The following NOTCH2 variants were observed in gnomAD, a reference collection of about 807,000 sequenced individuals.
NOTCH2 encodes the protein notch receptor 2, also known as neurogenic locus notch homolog protein 2.
A neutral mutation model predicts 235.8 loss-of-function variants in NOTCH2; 29 were observed. The observed-to-expected ratio is 0.12, with a 90% CI of 0.09 to 0.17. The LOEUF (loss-of-function observed/expected upper bound fraction) is 0.17. NOTCH2 is among the 10% of genes least tolerant of loss of function. The pLI, the probability that NOTCH2 is intolerant of heterozygous loss-of-function variation, is 1.00. For synonymous variants in NOTCH2, 1,086 were observed against 1,141.5 expected, an observed-to-expected ratio of 0.95 and a Z score of 0.98; for missense variants, 2,285 against 3,150.2, an observed-to-expected ratio of 0.73 and a Z score of 6.57.
chr1:119,975,184 T>C (rs1474676590), intron 5 of NOTCH2, among the ~76,000 whole-genome samples: 2 of 152,110 alleles, frequency 1.3e-5, no homozygotes, highest in Non-Finnish European at 2.9e-5. Flanking sequence ...TTGAGGGATG[T>C]AGGGAAAGAG....
rs1261237803 is a variant in NOTCH2, at chr1:120,042,011, G to A, written c.74-12024C>T. Reference sequence around the variant, plus strand: ...GGAAAGAGAGAAAGAGCAAGCGAGCGAGCGAACGAGCAGATGCCCTGGCCT... The same window carrying A: ...GGAAAGAGAGAAAGAGCAAGCGAGCAAGCGAACGAGCAGATGCCCTGGCCT... On this transcript the variant is annotated intron_variant, in intron 1 of 33. Transcript: ENST00000256646. Among the ~76,000 whole-genome samples, 23 of 145,540 alleles carry A rather than the reference G, an allele frequency of 1.6e-4. 1 individual carries two copies. The highest frequency in any genetic ancestry group is 5.8e-4 in the East Asian group (3 of 5,174).
intron 9 of NOTCH2, among the ~76,000 whole-genome samples, 191 bp from the exon 10 acceptor site, chr1:119,965,757 C>G (rs1553199588): frequency 6.6e-6 from 1 of 152,204 alleles, no homozygotes; most frequent in Admixed American, 6.5e-5. Flanking sequence ...TGGTGTGTCT[C>G]TACCATTGCT....
At chr1:120,001,487 C>T (rs1394133862) in intron 3 of NOTCH2, among the ~76,000 whole-genome samples, 12 of 152,192 alleles carry the variant, frequency 7.9e-5, no homozygotes, top group Admixed American at 1.3e-4. Flanking sequence ...GTGCAGAAAA[C>T]AAGATGGGCC....
intron 17 of NOTCH2, among the ~76,000 whole-genome samples, chr1:119,947,254 A>G (rs74338522): frequency 0.02 from 3,043 of 152,314 alleles, 54 homozygotes; most frequent in Non-Finnish European, 0.025. Context: ...TTGGAGGGAA[A>G]TCATTGGGAA....
At chr1:119,945,915 C>A (rs1171046092) in intron 17 of NOTCH2, among the ~76,000 whole-genome samples, 1 of 151,926 alleles carries the variant, frequency 6.6e-6, no homozygotes, top group African/African-American at 2.4e-5. Context: ...ATTTATAGAA[C>A]ACTGTATGAA....
chr1:119,953,196 A>C (rs1195651623), intron 14 of NOTCH2, among the ~76,000 whole-genome samples: 1 of 152,188 alleles, frequency 6.6e-6, no homozygotes, highest in African/African-American at 2.4e-5. Context: ...CTGTAATCCC[A>C]ACTACTAGGG....
Position 119,957,883 on chromosome 1 carries a change from C to CAA in NOTCH2, c.2026+1507_2026+1508dup, listed in dbSNP as rs1553198567. Among the ~76,000 whole-genome samples, 639 of 143,608 alleles carry CAA rather than the reference C, an allele frequency of 4.4e-3. 5 individuals are homozygous for CAA. Among genetic ancestry groups the CAA allele is most frequent in the African/African-American group, 0.015 (547 of 36,976 alleles). 94.2% of individuals were successfully genotyped at this position (143,608 alleles called of 152,430 possible). ...ACACACACACACACACACACACACA[C>CAA]AACAGGCCCCTAATCAGGATGTCCA... is the stretch of plus-strand genomic sequence containing the variant. On this transcript the variant is annotated intron_variant, in intron 12 of 33. Transcript: ENST00000256646.
intron 23 of NOTCH2, among the ~76,000 whole-genome samples, chr1:119,928,366 G>T (rs748350657): frequency 6.6e-6 from 1 of 152,178 alleles, no homozygotes; most frequent in African/African-American, 2.4e-5. Context: ...ATTTGGACCT[G>T]CCCCCTTTAA....
intron 31 of NOTCH2, 64 bp from the exon 32 acceptor site, chr1:119,918,617 GAAGA>G: frequency 6.5e-7 from 1 of 1,549,164 alleles, no homozygotes; most frequent in Non-Finnish European, 8.9e-7. Context: ...GAAACTCAGT[GAAGA>G]AACAAGGGCA....
In NOTCH2 at chr1:119,915,016, T is replaced by C; in HGVS notation, c.*290A>G. 1 of 484,808 alleles carries C rather than the reference T, an allele frequency of 2.1e-6. No homozygotes were observed. The highest frequency in any genetic ancestry group is 3.8e-6 in the Non-Finnish European group (1 of 264,358). The allele number at this position is 484,808 out of a possible 1,614,324, so 30.0% of individuals were successfully genotyped here. A position where few individuals can be genotyped will look rare whatever the true frequency, so the allele number is the denominator to read the frequency against. ...AAGAATGTCTGGGCTTCAATAAGCA[T>C]CCATCTTATTCTCCAAATAGAAGAG... is the stretch of plus-strand genomic sequence containing the variant. On this transcript the variant is annotated 3_prime_UTR_variant, in exon 34 of 34. Coordinates refer to ENST00000256646, the MANE Select transcript of NOTCH2 (RefSeq NM_024408.4).
intron 2 of NOTCH2, among the ~76,000 whole-genome samples, chr1:120,007,416 C>T (rs1376995038): frequency 1.5e-5 from 2 of 130,598 alleles, no homozygotes; most frequent in South Asian, 2.4e-4. Context: ...GTGGGCTGGG[C>T]ACAGTGGCTC....
intron 23 of NOTCH2, 104 bp from the exon 24 acceptor site, chr1:119,926,715 T>C (rs989204345): frequency 2.3e-6 from 2 of 856,198 alleles, no homozygotes; most frequent in Non-Finnish European, 3.9e-6. Context: ...GTGAAGCAAG[T>C]GTGAGAGAGT....
intron 22 of NOTCH2, among the ~76,000 whole-genome samples, chr1:119,932,606 A>AATAT (rs1649706517): frequency 8.0e-6 from 1 of 125,714 alleles, no homozygotes; most frequent in South Asian, 2.7e-4. Flanking sequence ...CAAACAAACA[A>AATAT]ATATCTATCT....
At chr1:119,972,177 G>C (rs1401671028) in intron 5 of NOTCH2, among the ~76,000 whole-genome samples, 1 of 152,090 alleles carries the variant, frequency 6.6e-6, no homozygotes, top group African/African-American at 2.4e-5. Flanking sequence ...GAAGGAATCA[G>C]AGAGTGAAGG....
intron 2 of NOTCH2, among the ~76,000 whole-genome samples, chr1:120,015,112 A>C (rs1653383826): frequency 6.6e-6 from 1 of 151,976 alleles, no homozygotes; most frequent in East Asian, 1.9e-4. Flanking sequence ...CAAAACAGCT[A>C]TTTCAAAATC....
chr1:120,047,914 G>A (rs868988486), intron 1 of NOTCH2, among the ~76,000 whole-genome samples: 3 of 138,766 alleles, frequency 2.2e-5, no homozygotes, highest in Admixed American at 7.1e-5. Flanking sequence ...ACAGGTGCAC[G>A]CCACCATGTC....
Position 119,911,845 on chromosome 1 carries a change from A to T in NOTCH2, c.*3461T>A, listed in dbSNP as rs368943468. ...ATGGCTAGTGCACAGAAGAGTGCTC[A>T]GTTTTGTGATGTTTCCTATTTGACA... On this transcript the variant is annotated 3_prime_UTR_variant, in exon 34 of 34. Coordinates refer to ENST00000256646, the MANE Select transcript of NOTCH2 (RefSeq NM_024408.4). 4.3e-6 allele frequency: 1 copy of T among 233,158 alleles called. No homozygotes were observed. The highest frequency in any genetic ancestry group is 8.5e-6 in the Non-Finnish European group (1 of 118,046). The allele number at this position is 233,158 out of a possible 1,614,324, so 14.4% of individuals were successfully genotyped here. A position where few individuals can be genotyped will look rare whatever the true frequency, so the allele number is the denominator to read the frequency against.
rs1157786609 is a variant in NOTCH2 at position 120,033,031 on chromosome 1, C to T, written c.74-3044G>A. On this transcript the variant is annotated intron_variant, in intron 1 of 33. Transcript: ENST00000256646. ...ACATGATCTGGTAATCCCACTGCTGCGTATTTACCCCAAATATTTTAAATC... is the reference window on the plus strand; with the variant it reads ...ACATGATCTGGTAATCCCACTGCTGTGTATTTACCCCAAATATTTTAAATC... Among the ~76,000 whole-genome samples, 4 of 150,372 alleles carry T rather than the reference C, an allele frequency of 2.7e-5. No homozygotes were observed. In the South Asian group the frequency reaches 6.4e-4, roughly 24 times the overall value.
At chr1:119,980,358 C>T (rs782738439) in intron 5 of NOTCH2, among the ~76,000 whole-genome samples, 13 of 152,156 alleles carry the variant, frequency 8.5e-5, no homozygotes, top group African/African-American at 1.7e-4. Context: ...CATTAGCCAA[C>T]GCCCTTTGAG....
Sources: gnomAD v4.1 joint callset for allele counts (sites outside exome capture counted in the v4.1 genomes callset) on GRCh38, gnomAD v4.1.1 for gene constraint, MANE v1.5 for transcripts, NCBI Gene and HGNC (gene_info 2026-07-23, HGNC 2026-07-21) for gene names.